Variants in CACNA1B observed in about 807,000 individuals in gnomAD.
CACNA1B encodes voltage-dependent N-type calcium channel subunit alpha-1B.
A neutral mutation model predicts 247.2 loss-of-function variants in CACNA1B; 70 were observed. The ratio of observed to expected loss-of-function variants is 0.28; its 90% CI spans 0.23 to 0.35. The LOEUF (loss-of-function observed/expected upper bound fraction) is 0.35, where lower values mean the gene tolerates loss of function less well. Ranked by LOEUF, CACNA1B falls within the 10% of genes least tolerant of loss-of-function variation. The pLI is 1.00. For synonymous variants in CACNA1B, 1,231 were observed against 1,294.4 expected, an observed-to-expected ratio of 0.95 and a Z score of 1.05; for missense variants, 2,367 against 3,197.4, an observed-to-expected ratio of 0.74 and a Z score of 6.26.
Position 138,102,621 on chromosome 9 carries a change from T to G in CACNA1B, c.5223-90T>G. Reference sequence around the variant, plus strand: ...TTCTTGTCTGCTTCCTCCCTGCCCCTACCCCGCTCCCCTCCCCGCTCCCCT... The same window carrying G: ...TTCTTGTCTGCTTCCTCCCTGCCCCGACCCCGCTCCCCTCCCCGCTCCCCT... On this transcript the variant is annotated intron_variant, in intron 37 of 46. Coordinates refer to ENST00000371372, the MANE Select transcript of CACNA1B (RefSeq NM_000718.4). The surrounding 1 kb of genome is among the most constrained non-coding windows in gnomAD (Gnocchi z 5.4). The G allele has an allele frequency of 1.9e-6, 1 of 514,324 alleles. No homozygotes were observed. The highest frequency in any genetic ancestry group is 3.6e-6 in the Non-Finnish European group (1 of 277,306). 31.9% of individuals were successfully genotyped at this position (514,324 alleles called of 1,614,324 possible).
intron 20 of CACNA1B, among the ~76,000 whole-genome samples, chr9:138,027,828 C>A (rs1244601880): frequency 6.6e-6 from 1 of 152,026 alleles, no homozygotes; most frequent in Non-Finnish European, 1.5e-5. Context: ...CCATTGGATT[C>A]TCTTTAACAT....
chr9:138,076,050 C>T (rs1960307201), intron 35 of CACNA1B, 140 bp downstream of exon 35: 1 of 634,454 alleles, frequency 1.6e-6, no homozygotes, highest in East Asian at 2.8e-5. Flanking sequence ...CTCAGCAGGC[C>T]TTTCTGGTTC....
chr9:137,902,583 G>T (rs1957251269), intron 3 of CACNA1B, among the ~76,000 whole-genome samples: 1 of 152,128 alleles, frequency 6.6e-6, no homozygotes. Flanking sequence ...GTCAGCAGAG[G>T]ATAAACATTT....
intron 20 of CACNA1B, among the ~76,000 whole-genome samples, chr9:138,039,053 G>A (rs1026225686): frequency 7.9e-5 from 12 of 152,060 alleles, no homozygotes; most frequent in Middle Eastern, 3.4e-3. Flanking sequence ...AAAATTAGCC[G>A]GGTGTAGTGG....
chr9:137,975,859 G>A (rs938375208), intron 11 of CACNA1B, 48 bp from the exon 12 acceptor site: 4 of 1,160,190 alleles, frequency 3.4e-6, no homozygotes, highest in Non-Finnish European at 5.1e-6. Flanking sequence ...TGGAGCCAGA[G>A]TGGGAGGAGG....
intron 18 of CACNA1B, among the ~76,000 whole-genome samples, chr9:138,017,675 T>C (rs1429663014): frequency 6.6e-6 from 1 of 152,202 alleles, no homozygotes; most frequent in Non-Finnish European, 1.5e-5. Flanking sequence ...AAGTCCTTGT[T>C]CTAGCAAGAG....
chr9:137,912,684 G>A (rs958910665), intron 3 of CACNA1B, among the ~76,000 whole-genome samples: 1 of 152,096 alleles, frequency 6.6e-6, no homozygotes, highest in East Asian at 1.9e-4. Flanking sequence ...CCACTTCCCT[G>A]TCTTCCTGAG....
chr9:138,002,988 A>ATG (rs1207010955), intron 15 of CACNA1B, among the ~76,000 whole-genome samples: 66 of 151,592 alleles, frequency 4.4e-4, no homozygotes, highest in Admixed American at 1.8e-3. Flanking sequence ...TTTAGTAGAC[A>ATG]GGGTTTCACT....
At chr9:138,087,001 G>A (rs1219351845) in intron 36 of CACNA1B, among the ~76,000 whole-genome samples, 3 of 151,156 alleles carry the variant, frequency 2.0e-5, no homozygotes, top group African/African-American at 7.4e-5. Context: ...CTAGAAATCA[G>A]TAACAAGGGG....
chr9:138,087,404 GAAAAAGAAA>G (rs1960730666), intron 36 of CACNA1B, among the ~76,000 whole-genome samples: 1 of 114,284 alleles, frequency 8.8e-6, no homozygotes, highest in Admixed American at 8.5e-5. Flanking sequence ...AAAAAAAAAA[GAAAAAGAAA>G]AAAAAGAAAA....
chr9:137,994,299 G>C (rs1476566923), intron 15 of CACNA1B, among the ~76,000 whole-genome samples: 1 of 152,166 alleles, frequency 6.6e-6, no homozygotes, highest in Non-Finnish European at 1.5e-5. Flanking sequence ...AGACAAGGAT[G>C]CCCACTGTCA....
At chr9:137,949,260 CGTGT>C (rs200474861) in intron 6 of CACNA1B, among the ~76,000 whole-genome samples, 116 of 1,590 alleles carry the variant, frequency 0.073, no homozygotes, top group Non-Finnish European at 0.13. Context: ...GTGTGTGGTG[CGTGT>C]GTGTGTCTGG....
Position 138,015,544 on chromosome 9 carries a change from C to T in CACNA1B, c.2267+2309C>T, listed in dbSNP as rs184936751. 2.0e-4 allele frequency among the ~76,000 whole-genome samples: 29 copies of T among 146,908 alleles called. No individual in the cohort carries two copies. In the East Asian group the frequency reaches 5.4e-3, roughly 27 times the overall value. On this transcript the variant is annotated intron_variant, in intron 18 of 46. Transcript: ENST00000371372. Reference sequence around the variant, plus strand: ...CTTGAGCTGCTGGGCTGTGCGAGAGCAGTGCCCTTGAGTACCCTTCACCCT... The same window carrying T: ...CTTGAGCTGCTGGGCTGTGCGAGAGTAGTGCCCTTGAGTACCCTTCACCCT...
rs901289587 is a variant in CACNA1B at position 138,102,938 on chromosome 9, C to T, written c.5319+131C>T. The T allele has an allele frequency of 3.7e-5, 22 of 590,740 alleles. No individual in the cohort carries two copies. Among genetic ancestry groups the T allele is most frequent in the Middle Eastern group, 4.3e-4 (1 of 2,324 alleles). 36.6% of individuals were successfully genotyped at this position (590,740 alleles called of 1,614,324 possible). A position where few individuals can be genotyped will look rare whatever the true frequency, so the allele number is the denominator to read the frequency against. On this transcript the variant is annotated intron_variant, in intron 38 of 46. Coordinates refer to ENST00000371372, the MANE Select transcript of CACNA1B (RefSeq NM_000718.4). The surrounding 1 kb of genome is among the most constrained non-coding windows in gnomAD (Gnocchi z 5.4). ...TGTCTGCCGCTCTGCTGTGCGCCCC[C>T]GGCTGCCTCACTGTGTCTTTCTCTT...
intron 6 of CACNA1B, among the ~76,000 whole-genome samples, chr9:137,951,108 T>C (rs752795714): frequency 6.6e-6 from 1 of 152,226 alleles, no homozygotes; most frequent in African/African-American, 2.4e-5. Flanking sequence ...GGGAAGTTGG[T>C]GGCTTTGGTG....
intron 23 of CACNA1B, among the ~76,000 whole-genome samples, chr9:138,048,609 T>C (rs1959204189): frequency 6.6e-6 from 1 of 152,168 alleles, no homozygotes; most frequent in Non-Finnish European, 1.5e-5. Context: ...GGTGTGCACA[T>C]AACGTGTGCA....
rs376900298 is a variant in CACNA1B, at chr9:137,985,945, C to T, written c.1770-468C>T. ...GCACTGGAGCCAGGGTCTCTGCCAC[C>T]GGCCACAGCGCTTGCAGATCTGCTG... is the stretch of plus-strand genomic sequence containing the variant. On this transcript the variant is annotated intron_variant, in intron 13 of 46. Transcript: ENST00000371372. Among the ~76,000 whole-genome samples, 16 of 152,350 alleles carry T rather than the reference C, an allele frequency of 1.1e-4. No homozygotes were observed. In the South Asian group the frequency reaches 2.9e-3, roughly 28 times the overall value.
intron 20 of CACNA1B, among the ~76,000 whole-genome samples, chr9:138,041,903 C>T (rs575161437): frequency 5.9e-5 from 9 of 152,190 alleles, no homozygotes; most frequent in Admixed American, 2.6e-4. Flanking sequence ...TGTATGCACG[C>T]GCCAACACAC....
At chr9:138,000,962 G>A (rs199865020) in intron 15 of CACNA1B, among the ~76,000 whole-genome samples, 1 of 151,696 alleles carries the variant, frequency 6.6e-6, no homozygotes, top group Non-Finnish European at 1.5e-5. Flanking sequence ...TCTACTTCAT[G>A]TGTCTCCTTA....
Sources: gnomAD v4.1 joint callset for allele counts (sites outside exome capture counted in the v4.1 genomes callset) on GRCh38, gnomAD v4.1.1 for gene constraint, Gnocchi (gnomAD v3.1) non-coding constraint, MANE v1.5 for transcripts, NCBI Gene and HGNC (gene_info 2026-07-23, HGNC 2026-07-21) for gene names.